SPATA17: variants seen among roughly 807,000 people sequenced by gnomAD.
SPATA17 encodes spermatogenesis-associated protein 17.
Under a neutral mutation model 62.2 loss-of-function variants are expected in SPATA17, and 53 were observed. The observed-to-expected ratio is 0.85, with a 90% CI of 0.68 to 1.07. SPATA17 has a LOEUF of 1.07. Ranked by LOEUF, SPATA17 falls within the 50% of genes least tolerant of loss-of-function variation. The probability of loss-of-function intolerance (pLI) is 0.00; values close to 1 mark genes in which losing one functional copy is unlikely to be tolerated. For synonymous variants in SPATA17, 146 were observed against 146.8 expected, an observed-to-expected ratio of 0.99 and a Z score of 0.04; for missense variants, 466 against 425.5, an observed-to-expected ratio of 1.10 and a Z score of -0.84.
At chr1:217,686,297 C>T (rs1002651958) in intron 5 of SPATA17, among the ~76,000 whole-genome samples, 1 of 152,062 alleles carries the variant, frequency 6.6e-6, no homozygotes, top group Non-Finnish European at 1.5e-5. Flanking sequence ...CATTTCCAAA[C>T]CTTAATTCAC....
intron 9 of SPATA17, among the ~76,000 whole-genome samples, chr1:217,855,231 T>A (rs1483474425): frequency 2.0e-5 from 3 of 152,242 alleles, no homozygotes; most frequent in African/African-American, 7.2e-5. Context: ...GCAAGCCAAA[T>A]GTTCCCTTTA....
rs563528179 is a variant in SPATA17 at position 217,822,101 on chromosome 1, A to G, written c.1005+20251A>G. 2.0e-4 allele frequency among the ~76,000 whole-genome samples: 30 copies of G among 152,232 alleles called. No homozygotes were observed. The South Asian group carries it at 5.8e-3, about 29-fold the overall frequency. Reference sequence around the variant, plus strand: ...TAAAATGTCAATTATGCCACCTGTGAGAAACCCTGGGTTAATGAGTATGCA... The same window carrying G: ...TAAAATGTCAATTATGCCACCTGTGGGAAACCCTGGGTTAATGAGTATGCA... On this transcript the variant is annotated intron_variant, in intron 9 of 10. Transcript: ENST00000366933.
chr1:217,733,594 T>C (rs564868334), intron 5 of SPATA17, among the ~76,000 whole-genome samples: 2 of 152,366 alleles, frequency 1.3e-5, no homozygotes, highest in East Asian at 3.9e-4. Context: ...AGGCAAGTAC[T>C]ACGGTTTAAA....
chr1:217,859,536 T>C (rs1675856145), intron 9 of SPATA17, among the ~76,000 whole-genome samples: 1 of 151,996 alleles, frequency 6.6e-6, no homozygotes, highest in African/African-American at 2.4e-5. Flanking sequence ...GCTTCCTAAG[T>C]AGCTGGGACT....
At chr1:217,705,195 A>G (rs916575105) in intron 5 of SPATA17, among the ~76,000 whole-genome samples, 1 of 152,084 alleles carries the variant, frequency 6.6e-6, no homozygotes, top group African/African-American at 2.4e-5. Flanking sequence ...GGCCACATGA[A>G]TATCTTCTTT....
At chr1:217,843,701 C>T (rs1338335359) in intron 9 of SPATA17, among the ~76,000 whole-genome samples, 1 of 151,988 alleles carries the variant, frequency 6.6e-6, no homozygotes, top group Non-Finnish European at 1.5e-5. Context: ...CATTGTAGCG[C>T]AAAAGCAGCC....
chr1:217,818,624 A>G (rs768827349), intron 9 of SPATA17, among the ~76,000 whole-genome samples: 6 of 152,012 alleles, frequency 3.9e-5, no homozygotes, highest in Non-Finnish European at 7.4e-5. Flanking sequence ...ACATCATCAT[A>G]TATGTGTTAG....
intron 4 of SPATA17, among the ~76,000 whole-genome samples, chr1:217,680,835 G>C (rs918982577): frequency 1.0e-4 from 15 of 145,460 alleles, no homozygotes; most frequent in African/African-American, 3.8e-4. Flanking sequence ...TAAAGCAAGA[G>C]AATCGTTTGA....
At chr1:217,789,404 G>A (rs925389998) in intron 8 of SPATA17, among the ~76,000 whole-genome samples, 15 of 152,132 alleles carry the variant, frequency 9.9e-5, no homozygotes, top group Non-Finnish European at 1.5e-4. Flanking sequence ...TTATAAAACC[G>A]AAATGGGGTC....
intron 6 of SPATA17, among the ~76,000 whole-genome samples, chr1:217,755,602 CAA>C (rs994386061): frequency 6.6e-6 from 1 of 151,872 alleles, no homozygotes; most frequent in African/African-American, 2.4e-5. Flanking sequence ...AGTTTTTTCT[CAA>C]GTTTATTCAG....
chr1:217,773,266 G>A (rs1436153085), intron 6 of SPATA17, among the ~76,000 whole-genome samples: 4 of 152,014 alleles, frequency 2.6e-5, no homozygotes, highest in African/African-American at 9.7e-5. Flanking sequence ...ATATGTTGAT[G>A]GCATAAGAGA....
At chr1:217,759,707 T>C (rs1383784951) in intron 6 of SPATA17, among the ~76,000 whole-genome samples, 3 of 152,064 alleles carry the variant, frequency 2.0e-5, no homozygotes, top group Non-Finnish European at 2.9e-5. Context: ...CAGGGCATGG[T>C]TGAAAATATT....
At chr1:217,722,673 A>G (rs1672162083) in intron 5 of SPATA17, among the ~76,000 whole-genome samples, 1 of 152,156 alleles carries the variant, frequency 6.6e-6, no homozygotes, top group African/African-American at 2.4e-5. Flanking sequence ...CTTCTCTTAA[A>G]TTGTCTAAGG....
In SPATA17 at chr1:217,744,232, G is replaced by C. The variant is rs1049978313; in HGVS notation, c.519+2134G>C. ...AATCCCAGCACTTTGGGAGGCCGAGGCGGGCGGATCACGAGGTCAAGAGAT... is the reference window on the plus strand; with the variant it reads ...AATCCCAGCACTTTGGGAGGCCGAGCCGGGCGGATCACGAGGTCAAGAGAT... On this transcript the variant is annotated intron_variant, in intron 6 of 10. Coordinates refer to ENST00000366933, the MANE Select transcript of SPATA17 (RefSeq NM_138796.4). Among the ~76,000 whole-genome samples, 60 of 47,504 alleles carry C rather than the reference G, an allele frequency of 1.3e-3. 17 individuals carry two copies. The highest frequency in any genetic ancestry group is 0.01 in the Middle Eastern group (1 of 100). The allele number at this position is 47,504 out of a possible 152,430, so 31.2% of individuals were successfully genotyped here. A position where few individuals can be genotyped will look rare whatever the true frequency, so the allele number is the denominator to read the frequency against.
At chr1:217,804,260 G>T (rs1351098016) in intron 9 of SPATA17, among the ~76,000 whole-genome samples, 3 of 152,150 alleles carry the variant, frequency 2.0e-5, no homozygotes, top group African/African-American at 7.2e-5. Flanking sequence ...ACACATTTGT[G>T]CTCAATTGAT....
rs1030062224 is a variant in SPATA17, at chr1:217,698,277, T to C, written c.395+14916T>C. On this transcript the variant is annotated intron_variant, in intron 5 of 10. Transcript: ENST00000366933. ...AGTAAAACCCTGTCTCTACTAAAAA[T>C]ACAAAAATTAGCTGGGCATGGTGGT... 5.9e-5 allele frequency among the ~76,000 whole-genome samples: 9 copies of C among 151,984 alleles called. No individual in the cohort carries two copies. The East Asian group carries it at 1.4e-3, about 23-fold the overall frequency.
chr1:217,799,734 T>C (rs1674257187), intron 8 of SPATA17, among the ~76,000 whole-genome samples: 1 of 151,982 alleles, frequency 6.6e-6, no homozygotes, highest in South Asian at 2.1e-4. Context: ...GTTTATTAAA[T>C]GGCAAAAATA....
chr1:217,783,764 T>C (rs1183612681), intron 8 of SPATA17, among the ~76,000 whole-genome samples: 2 of 152,134 alleles, frequency 1.3e-5, no homozygotes, highest in African/African-American at 4.8e-5. Flanking sequence ...AAACATACTG[T>C]GATATCATTT....
At chr1:217,744,554 T>C (rs976851427) in intron 6 of SPATA17, among the ~76,000 whole-genome samples, 2 of 152,018 alleles carry the variant, frequency 1.3e-5, no homozygotes, top group African/African-American at 4.8e-5. Context: ...ATTACCATTG[T>C]GTTTTAAGTA....
Sources: allele counts gnomAD v4.1 joint callset (sites outside exome capture counted in the v4.1 genomes callset), GRCh38; gene constraint gnomAD v4.1.1; transcripts MANE v1.5; gene names NCBI Gene and HGNC (gene_info 2026-07-23, HGNC 2026-07-21).